Variants in PAK5 observed in about 807,000 individuals in gnomAD.
The protein encoded by PAK5 is p21 (RAC1) activated kinase 5, also known as serine/threonine-protein kinase PAK 5.
PAK5 carries 16 observed loss-of-function variants against 65.9 expected under a neutral mutation model. The ratio of observed to expected loss-of-function variants is 0.24; its 90% CI spans 0.16 to 0.37. The LOEUF (loss-of-function observed/expected upper bound fraction) is 0.37, where lower values mean the gene tolerates loss of function less well. Among genes scored for constraint, PAK5 ranks in the 10% least tolerant of loss-of-function variants. The pLI is 1.00. For synonymous variants in PAK5, 371 were observed against 354.9 expected (o/e 1.05, Z -0.51); for missense variants, 785 against 903.9 (o/e 0.87, Z 1.69).
chr20:9,746,342 C>A (rs1569070459), intron 1 of PAK5, among the ~76,000 whole-genome samples: 1 of 152,160 alleles, frequency 6.6e-6, no homozygotes, highest in African/African-American at 2.4e-5. Context: ...TGTCCAGAAA[C>A]CGCACAGACA....
intron 1 of PAK5, among the ~76,000 whole-genome samples, chr20:9,742,655 T>C (rs1156975708): frequency 6.6e-6 from 1 of 152,168 alleles, no homozygotes; most frequent in African/African-American, 2.4e-5. Flanking sequence ...TCTCTCTCTA[T>C]CATTTCAGGA....
intron 1 of PAK5, among the ~76,000 whole-genome samples, chr20:9,749,830 C>T (rs2048553834): frequency 6.6e-6 from 1 of 152,088 alleles, no homozygotes; most frequent in Non-Finnish European, 1.5e-5. Flanking sequence ...CTGGACTGGA[C>T]AGGGTGTTGA....
intron 1 of PAK5, among the ~76,000 whole-genome samples, chr20:9,721,283 C>T (rs2048209737): frequency 6.6e-6 from 1 of 152,070 alleles, no homozygotes; most frequent in Admixed American, 6.6e-5. Flanking sequence ...TCGGGCTTGG[C>T]ATCACTTAAC....
intron 2 of PAK5, among the ~76,000 whole-genome samples, chr20:9,686,129 T>C (rs1462008248): frequency 1.3e-5 from 2 of 152,368 alleles, no homozygotes; most frequent in South Asian, 2.1e-4. Flanking sequence ...TAGAATCTGA[T>C]GTGCTCTCAG....
At chr20:9,603,277 G>T (rs970898950) in intron 3 of PAK5, among the ~76,000 whole-genome samples, 2 of 152,168 alleles carry the variant, frequency 1.3e-5, no homozygotes, top group Non-Finnish European at 2.9e-5. Flanking sequence ...AGTTGGGGAG[G>T]GAGAACACAT....
In PAK5 at chr20:9,787,619, ATGTGTGTGTG is replaced by A. The variant is rs3061911; in HGVS notation, c.-162+51133_-162+51142del. On this transcript the variant is annotated intron_variant, in intron 1 of 9. Coordinates refer to ENST00000353224, the MANE Select transcript of PAK5 (RefSeq NM_177990.4). ...CTTACTCTGCATGGCTATGAAAAGG[ATGTGTGTGTG>A]TGTGTGTGTGTGTGTGTGTGTGTGT... is the stretch of plus-strand genomic sequence containing the variant. 2.0e-3 allele frequency among the ~76,000 whole-genome samples: 288 copies of A among 146,628 alleles called. 1 individual carries two copies. The highest frequency in any genetic ancestry group is 5.4e-3 in the African/African-American group (214 of 39,550).
At chr20:9,553,481 C>T (rs2045461348) in intron 7 of PAK5, among the ~76,000 whole-genome samples, 1 of 152,174 alleles carries the variant, frequency 6.6e-6, no homozygotes, top group South Asian at 2.1e-4. Context: ...CTGTTCTTTA[C>T]AGACACATTC....
chr20:9,679,452 A>G (rs563180456), intron 2 of PAK5, among the ~76,000 whole-genome samples: 3 of 152,278 alleles, frequency 2.0e-5, no homozygotes, highest in South Asian at 2.1e-4. Flanking sequence ...TTCAATCTTG[A>G]GAACATTTTA....
chr20:9,749,555 C>T lies in PAK5; in HGVS notation c.-161-38120G>A, dbSNP rs140806490. On this transcript the variant is annotated intron_variant, in intron 1 of 9. Coordinates refer to ENST00000353224, the MANE Select transcript of PAK5 (RefSeq NM_177990.4). ...ATAAATGAGGGTTCTGAAATAAGTA[C>T]TAATTTAAATGCTTGTTTTGAAATG... Among the ~76,000 whole-genome samples the T allele has an allele frequency of 5.3e-5, 8 of 152,218 alleles. No homozygotes were observed. In the East Asian group the frequency reaches 1.5e-3, roughly 29 times the overall value.
chr20:9,794,658 A>T (rs1243974753), intron 1 of PAK5, among the ~76,000 whole-genome samples: 2 of 152,134 alleles, frequency 1.3e-5, no homozygotes, highest in African/African-American at 2.4e-5. Flanking sequence ...GTCACTGGAA[A>T]TGAGAACATC....
chr20:9,819,579 T>G (rs932793654), intron 1 of PAK5, among the ~76,000 whole-genome samples: 1 of 152,192 alleles, frequency 6.6e-6, no homozygotes, highest in African/African-American at 2.4e-5. Flanking sequence ...TTTTTTTTTT[T>G]GCCTGACCAC....
chr20:9,702,387 T>A (rs2047950665), intron 2 of PAK5, among the ~76,000 whole-genome samples: 1 of 152,136 alleles, frequency 6.6e-6, no homozygotes, highest in South Asian at 2.1e-4. Flanking sequence ...ATATTACCCA[T>A]GACCTGAGGA....
At position 9,764,609 on chromosome 20, in the gene PAK5, C is replaced by T. The variant is rs111431037; in HGVS notation, c.-161-53174G>A. Among the ~76,000 whole-genome samples the T allele has an allele frequency of 9.2e-3, 1,395 of 152,242 alleles. 14 individuals are homozygous for T. Among genetic ancestry groups the T allele is most frequent in the Middle Eastern group, 0.027 (8 of 294 alleles). On this transcript the variant is annotated intron_variant, in intron 1 of 9. Transcript: ENST00000353224. ...GGTGATGGTAAAATAAGCATTATGG[C>T]TGAAGGCATTACCTATACTGGAGAT...
chr20:9,618,923 T>G (rs1200701512), intron 3 of PAK5, among the ~76,000 whole-genome samples: 42 of 96,746 alleles, frequency 4.3e-4, no homozygotes, highest in African/African-American at 1.7e-3. Flanking sequence ...TCGTTTTTTT[T>G]TTTTTTTTTT....
intron 2 of PAK5, among the ~76,000 whole-genome samples, chr20:9,653,387 C>T (rs1483972369): frequency 6.6e-6 from 1 of 152,220 alleles, no homozygotes; most frequent in Non-Finnish European, 1.5e-5. Flanking sequence ...AAACCTCTCT[C>T]TTAATCTCTG....
At chr20:9,685,580 A>C (rs1271263970) in intron 2 of PAK5, among the ~76,000 whole-genome samples, 4 of 152,206 alleles carry the variant, frequency 2.6e-5, no homozygotes, top group Admixed American at 6.5e-5. Context: ...CCTTGCTGAC[A>C]CCTTGATCTT....
intron 3 of PAK5, among the ~76,000 whole-genome samples, chr20:9,626,485 T>C (rs1240542112): frequency 6.6e-6 from 1 of 152,206 alleles, no homozygotes; most frequent in African/African-American, 2.4e-5. Flanking sequence ...TACATGTATT[T>C]TGATGACATC....
chr20:9,674,175 G>C (rs1569033287), intron 2 of PAK5, among the ~76,000 whole-genome samples: 1 of 152,184 alleles, frequency 6.6e-6, no homozygotes, highest in African/African-American at 2.4e-5. Context: ...GCTGAAGGGA[G>C]TAAGACTGAG....
At chr20:9,806,017 T>A (rs1055229888) in intron 1 of PAK5, among the ~76,000 whole-genome samples, 1 of 152,136 alleles carries the variant, frequency 6.6e-6, no homozygotes, top group South Asian at 2.1e-4. Flanking sequence ...TAGGCTGGAG[T>A]GCAGTGGCAT....
Sources: allele counts gnomAD v4.1 joint callset (sites outside exome capture counted in the v4.1 genomes callset), GRCh38; gene constraint gnomAD v4.1.1; transcripts MANE v1.5; gene names NCBI Gene and HGNC (gene_info 2026-07-23, HGNC 2026-07-21).